The following PLCB1 variants were observed in gnomAD, a reference collection of about 807,000 sequenced individuals.
The protein encoded by PLCB1 is phospholipase C beta 1.
Under a neutral mutation model 161.8 loss-of-function variants are expected in PLCB1, and 46 were observed. That is an observed-to-expected ratio of 0.28 (90% CI 0.22 to 0.36). PLCB1 has a LOEUF of 0.36. Ranked by LOEUF, PLCB1 falls within the 10% of genes least tolerant of loss-of-function variation. PLCB1 has a pLI of 1.00. For synonymous variants in PLCB1, 517 were observed against 503.7 expected, an observed-to-expected ratio of 1.03 and a Z score of -0.35; for missense variants, 1,016 against 1,472.5, an observed-to-expected ratio of 0.69 and a Z score of 5.07.
At chr20:8,158,622 C>T (rs747999203) in intron 2 of PLCB1, among the ~76,000 whole-genome samples, 13 of 152,112 alleles carry the variant, frequency 8.5e-5, no homozygotes, top group Admixed American at 3.3e-4. Flanking sequence ...AAGTCTAATC[C>T]GAGATAAAGC....
chr20:8,491,500 T>C (rs1350212450), intron 3 of PLCB1, among the ~76,000 whole-genome samples: 1 of 152,064 alleles, frequency 6.6e-6, no homozygotes, highest in Non-Finnish European at 1.5e-5. Flanking sequence ...GGAAAAGTGG[T>C]CTAATGTAAA....
chr20:8,681,066 A>ATG (rs1990196394), intron 9 of PLCB1, among the ~76,000 whole-genome samples: 1 of 87,732 alleles, frequency 1.1e-5, no homozygotes, highest in African/African-American at 4.4e-5. Context: ...ATATGTATAT[A>ATG]TGTGTGTATA....
At chr20:8,584,473 CACACACACAG>C (rs1327317307) in intron 3 of PLCB1, among the ~76,000 whole-genome samples, 2 of 134,998 alleles carry the variant, frequency 1.5e-5, no homozygotes, top group African/African-American at 3.0e-5. Flanking sequence ...CACACACATA[CACACACACAG>C]ACACACACAC....
At chr20:8,604,252 C>CAAAAAAAA (rs34186286) in intron 3 of PLCB1, among the ~76,000 whole-genome samples, 1 of 51,394 alleles carries the variant, frequency 1.9e-5, no homozygotes, top group Non-Finnish European at 3.4e-5. Flanking sequence ...GGCCCTGTCT[C>CAAAAAAAA]AAAAAAAAAA....
chr20:8,583,615 T>C (rs1986899647), intron 3 of PLCB1, among the ~76,000 whole-genome samples: 1 of 152,152 alleles, frequency 6.6e-6, no homozygotes, highest in Admixed American at 6.5e-5. Context: ...GAACGTCCCT[T>C]TGATTCCTGA....
intron 2 of PLCB1, among the ~76,000 whole-genome samples, chr20:8,214,314 C>T (rs1253372007): frequency 2.0e-5 from 3 of 152,070 alleles, no homozygotes; most frequent in African/African-American, 4.8e-5. Context: ...AATGGTTTAG[C>T]GCCATCCTCT....
intron 11 of PLCB1, among the ~76,000 whole-genome samples, chr20:8,707,271 G>A (rs934910041): frequency 6.6e-6 from 1 of 152,054 alleles, no homozygotes; most frequent in Non-Finnish European, 1.5e-5. Flanking sequence ...TTTCAGGAGT[G>A]GATATAAAGA....
At position 8,481,024 on chromosome 20, in the gene PLCB1, A is replaced by G. The variant is rs371289839; in HGVS notation, c.246+109574A>G. On this transcript the variant is annotated intron_variant, in intron 3 of 31. Transcript: ENST00000338037. ...GAGGCTGGGGCCAGAGAATAAGTTG[A>G]ATCGGGGAGGCAAAGGTTGCAGTGA... 1.6e-3 allele frequency among the ~76,000 whole-genome samples: 239 copies of G among 152,234 alleles called. 2 individuals are homozygous for G. Among genetic ancestry groups the G allele is most frequent in the Middle Eastern group, 6.8e-3 (2 of 294 alleles).
At chr20:8,459,244 A>G (rs928866310) in intron 3 of PLCB1, among the ~76,000 whole-genome samples, 8 of 152,226 alleles carry the variant, frequency 5.3e-5, no homozygotes, top group South Asian at 4.1e-4. Context: ...AGACATTTGC[A>G]TAGTAATTGT....
intron 3 of PLCB1, among the ~76,000 whole-genome samples, chr20:8,467,141 A>C (rs1190261407): frequency 6.6e-6 from 1 of 152,060 alleles, no homozygotes; most frequent in African/African-American, 2.4e-5. Context: ...GGGTTTCACT[A>C]TGTTGGCCAG....
chr20:8,593,807 G>A (rs1391614858), intron 3 of PLCB1, among the ~76,000 whole-genome samples: 1 of 152,012 alleles, frequency 6.6e-6, no homozygotes, highest in East Asian at 1.9e-4. Context: ...TTTTTTCGGG[G>A]AAGATTCTAT....
chr20:8,509,604 C>T (rs928293804), intron 3 of PLCB1, among the ~76,000 whole-genome samples: 1 of 152,064 alleles, frequency 6.6e-6, no homozygotes, highest in African/African-American at 2.4e-5. Context: ...TAGACTATGG[C>T]ACCCTCTAGA....
intron 3 of PLCB1, among the ~76,000 whole-genome samples, chr20:8,606,283 T>TA (rs1461532483): frequency 3.9e-5 from 6 of 152,220 alleles, no homozygotes; most frequent in Non-Finnish European, 8.8e-5. Flanking sequence ...AACATGTTTT[T>TA]ATCATTTATT....
intron 31 of PLCB1, among the ~76,000 whole-genome samples, chr20:8,806,258 G>A (rs1984531084): frequency 6.6e-6 from 1 of 152,072 alleles, no homozygotes; most frequent in African/African-American, 2.4e-5. Flanking sequence ...TGTTTTCCGT[G>A]TTCATCGCAT....
At chr20:8,356,483 T>C (rs986033616) in intron 2 of PLCB1, among the ~76,000 whole-genome samples, 2 of 152,142 alleles carry the variant, frequency 1.3e-5, no homozygotes, top group Non-Finnish European at 2.9e-5. Context: ...TTCTATAAAA[T>C]GATGCTGAAG....
intron 31 of PLCB1, among the ~76,000 whole-genome samples, chr20:8,855,820 A>C (rs1327811466): frequency 6.6e-6 from 1 of 152,202 alleles, no homozygotes; most frequent in Non-Finnish European, 1.5e-5. Context: ...AAGTCACTTA[A>C]ATTTTGTGGT....
At chr20:8,623,645 A>G (rs146019571) in intron 3 of PLCB1, among the ~76,000 whole-genome samples, 36 of 151,172 alleles carry the variant, frequency 2.4e-4, no homozygotes, top group Admixed American at 2.1e-3. Flanking sequence ...CCCTCTAGTT[A>G]AAAAAAAATA....
chr20:8,258,739 G>A (rs897617389), intron 2 of PLCB1, among the ~76,000 whole-genome samples: 20 of 151,926 alleles, frequency 1.3e-4, no homozygotes, highest in African/African-American at 3.9e-4. Flanking sequence ...TTAAAATTTC[G>A]ATTAGTGTTA....
chr20:8,645,897 T>A (rs1282093458), intron 4 of PLCB1, among the ~76,000 whole-genome samples: 3 of 152,192 alleles, frequency 2.0e-5, no homozygotes, highest in South Asian at 2.1e-4. Flanking sequence ...ACAAAGAACA[T>A]CTCCTTTGGA....
Sources: gnomAD v4.1 joint callset for allele counts (sites outside exome capture counted in the v4.1 genomes callset) on GRCh38, gnomAD v4.1.1 for gene constraint, MANE v1.5 for transcripts, NCBI Gene and HGNC (gene_info 2026-07-23, HGNC 2026-07-21) for gene names.